MCM8: variants seen among roughly 807,000 people sequenced by gnomAD.
MCM8 encodes the protein DNA helicase MCM8.
In MCM8, 85 loss-of-function variants were observed where a neutral mutation model predicts 98.9. The ratio of observed to expected loss-of-function variants is 0.86; its 90% CI spans 0.72 to 1.03. The LOEUF is 1.03. Ranked by LOEUF, MCM8 falls within the 50% of genes least tolerant of loss-of-function variation. The probability of loss-of-function intolerance (pLI) is 0.00; values close to 1 mark genes in which losing one functional copy is unlikely to be tolerated. For synonymous variants in MCM8, 352 were observed against 338.6 expected (o/e 1.04, Z -0.44); for missense variants, 951 against 997.8 (o/e 0.95, Z 0.63).
chr20:5,986,185 C>G, intron 16 of MCM8, 54 bp downstream of exon 16: 2 of 1,499,748 alleles, frequency 1.3e-6, no homozygotes, highest in Non-Finnish European at 1.9e-6. Context: ...AAGGGTGTGC[C>G]TTGACTTCTC....
At chr20:5,955,051 T>C in intron 4 of MCM8, 51 bp from the exon 5 acceptor site, 1 of 1,281,724 alleles carries the variant, frequency 7.8e-7, no homozygotes, top group Non-Finnish European at 1.1e-6. Context: ...CAGTTAATGG[T>C]AATTGACTAC....
chr20:5,971,057 T>C lies in MCM8; in HGVS notation c.1224-950T>C, dbSNP rs979159411. Among the ~76,000 whole-genome samples the C allele has an allele frequency of 4.6e-5, 7 of 152,268 alleles. No homozygotes were observed. In the South Asian group the frequency reaches 6.2e-4, roughly 14 times the overall value. On this transcript the variant is annotated intron_variant, in intron 10 of 18. Transcript: ENST00000610722. ...TTGAACTTTTGGGCTGAAGCAGTTC[T>C]TCCACCTTGGCCTCCCAGAGTGCTT...
rs956896038 is a variant in MCM8 at position 5,958,818 on chromosome 20, G to A, written c.789+92G>A. ...ATTTCCCAGTGTTTCTGAACACAGA[G>A]CTTATTTTTATTTTTTATTTTCAAT... On this transcript the variant is annotated intron_variant, in intron 7 of 18. Transcript: ENST00000610722. 8 of 1,131,880 alleles carry A rather than the reference G, an allele frequency of 7.1e-6. No homozygotes were observed. In the African/African-American group the frequency reaches 1.3e-4, roughly 18 times the overall value. 70.1% of individuals were successfully genotyped at this position (1,131,880 alleles called of 1,614,324 possible). A position where few individuals can be genotyped will look rare whatever the true frequency, so the allele number is the denominator to read the frequency against.
Position 5,995,612 on chromosome 20 carries a change from A to G in MCM8, c.*1221A>G, listed in dbSNP as rs1002944550. On this transcript the variant is annotated 3_prime_UTR_variant, in exon 19 of 19. Transcript: ENST00000610722. ...AGTTGCATACAAAGACATCTGATTG[A>G]AAAAGGGTATGTTATATGCCCCTTT... 1 of 152,232 alleles carries G rather than the reference A, an allele frequency of 6.6e-6. No individual in the cohort carries two copies. Among genetic ancestry groups the G allele is most frequent in the African/African-American group, 2.4e-5 (1 of 41,458 alleles). 9.4% of individuals were successfully genotyped at this position (152,232 alleles called of 1,614,324 possible). A position where few individuals can be genotyped will look rare whatever the true frequency, so the allele number is the denominator to read the frequency against.
Position 5,954,834 on chromosome 20 carries a change from T to C in MCM8, c.336+144T>C, listed in dbSNP as rs911708493. ...TGCCACTTACCTGCAGTATGGACTT[T>C]GATTAATTACTTCTCTGTGCCTCAG... On this transcript the variant is annotated intron_variant, in intron 4 of 18. Transcript: ENST00000610722. The C allele has an allele frequency of 9.9e-6, 6 of 607,922 alleles. No homozygotes were observed. In the East Asian group the frequency reaches 1.1e-4, roughly 11 times the overall value. The allele number at this position is 607,922 out of a possible 1,614,324, so 37.7% of individuals were successfully genotyped here.
intron 12 of MCM8, among the ~76,000 whole-genome samples, chr20:5,977,212 G>T (rs1375926442): frequency 6.6e-6 from 1 of 152,174 alleles, no homozygotes; most frequent in South Asian, 2.1e-4. Context: ...TGCCATACAC[G>T]GCAGTTTTAC....
In MCM8 at chr20:5,998,283, C is replaced by T. The variant is rs779407189; in HGVS notation, c.*3892C>T. The stretch of plus-strand genomic sequence containing the variant: ...CAGGGGCTGGAAGGTGAGAAAATAA[C>T]CACATTTCCCAGACTCCCTTTGCAG... On this transcript the variant is annotated 3_prime_UTR_variant, in exon 19 of 19. Transcript: ENST00000610722. The T allele has an allele frequency of 6.6e-6, 1 of 152,148 alleles. No homozygotes were observed. Among genetic ancestry groups the T allele is most frequent in the Non-Finnish European group, 1.5e-5 (1 of 68,040 alleles). The allele number at this position is 152,148 out of a possible 1,614,324, so 9.4% of individuals were successfully genotyped here.
chr20:5,977,825 A>G (rs749688374), intron 12 of MCM8, 51 bp from the exon 13 acceptor site: 12 of 1,600,520 alleles, frequency 7.5e-6, no homozygotes, highest in Admixed American at 1.7e-5. Flanking sequence ...GCTGTTAGCT[A>G]TTACTTCCCT....
chr20:5,967,002 C>T (rs1385706067), intron 8 of MCM8, among the ~76,000 whole-genome samples: 1 of 152,222 alleles, frequency 6.6e-6, no homozygotes, highest in African/African-American at 2.4e-5. Context: ...CTCCTGCTCT[C>T]TATTCCTGCC....
intron 12 of MCM8, among the ~76,000 whole-genome samples, chr20:5,975,983 G>A (rs2089503142): frequency 6.6e-6 from 1 of 151,676 alleles, no homozygotes; most frequent in Non-Finnish European, 1.5e-5. Flanking sequence ...CCTGAATAGA[G>A]TATGGCATGT....
rs147158901 is a variant in MCM8 at position 5,997,530 on chromosome 20, G to C, written c.*3139G>C. 1 of 152,552 alleles carries C rather than the reference G, an allele frequency of 6.6e-6. No homozygotes were observed. The highest frequency in any genetic ancestry group is 2.4e-5 in the African/African-American group (1 of 41,552). 9.4% of individuals were successfully genotyped at this position (152,552 alleles called of 1,614,324 possible). A position where few individuals can be genotyped will look rare whatever the true frequency, so the allele number is the denominator to read the frequency against. The stretch of plus-strand genomic sequence containing the variant: ...TGGTCTTGCCATGTTGTCCAGTATG[G>C]ACTTGAACTACTCAGCTCAAGCAGT... On this transcript the variant is annotated 3_prime_UTR_variant, in exon 19 of 19. Coordinates refer to ENST00000610722, the MANE Select transcript of MCM8 (RefSeq NM_032485.6).
At chr20:5,979,275 T>G (rs930371081) in intron 13 of MCM8, among the ~76,000 whole-genome samples, 1 of 152,192 alleles carries the variant, frequency 6.6e-6, no homozygotes, top group African/African-American at 2.4e-5. Context: ...CACAACCTCT[T>G]ACCTGTTGTT....
chr20:5,951,970 T>G (rs2088838659), intron 1 of MCM8, 41 bp from the exon 2 acceptor site: 1 of 1,567,572 alleles, frequency 6.4e-7, no homozygotes, highest in Non-Finnish European at 8.7e-7. Flanking sequence ...ACTATTTTCC[T>G]TACAGTTTTG....
At chr20:5,985,100 AC>A in intron 15 of MCM8, 100 bp downstream of exon 15, 1 of 873,894 alleles carries the variant, frequency 1.1e-6, no homozygotes, top group Non-Finnish European at 1.7e-6. Flanking sequence ...CTTTTTTTTT[AC>A]CAGAACTTTT....
Position 5,959,206 on chromosome 20 carries a change from TG to T in MCM8, c.789+481del, listed in dbSNP as rs145272413. ...AACTATAGAAAAGTGCAGAGAATAA[TG>T]TAATTAACATTTATCTACTCTATGA... is the stretch of plus-strand genomic sequence containing the variant. On this transcript the variant is annotated intron_variant, in intron 7 of 18. Coordinates refer to ENST00000610722, the MANE Select transcript of MCM8 (RefSeq NM_032485.6). 0.016 allele frequency among the ~76,000 whole-genome samples: 2,434 copies of T among 152,298 alleles called. 162 individuals carry two copies. In the East Asian group the frequency reaches 0.23, roughly 14 times the overall value.
intron 7 of MCM8, among the ~76,000 whole-genome samples, chr20:5,959,940 G>C (rs1207084606): frequency 6.6e-6 from 1 of 151,916 alleles, no homozygotes; most frequent in Non-Finnish European, 1.5e-5. Flanking sequence ...CTGGTGATCC[G>C]CCTGCCTCAG....
chr20:5,985,867 A>G, intron 15 of MCM8, 55 bp from the exon 16 acceptor site: 1 of 1,577,246 alleles, frequency 6.3e-7, no homozygotes, highest in Middle Eastern at 1.7e-4. Flanking sequence ...TTTTAGCAGA[A>G]ATATTTTATT....
At chr20:5,987,212 G>A (rs537566862) in intron 16 of MCM8, 70 bp from the exon 17 acceptor site, 1 of 1,444,170 alleles carries the variant, frequency 6.9e-7, no homozygotes, top group South Asian at 1.2e-5. Context: ...AGTAAATGAA[G>A]TAAAGCTTAG....
chr20:5,986,080 T>G lies in MCM8; in HGVS notation c.2112T>G (p.Asn704Lys). ...TCCGGAAACAGAGCCAGAGGTTAAATAGCTCACCAATCACTACCAGGCAGC... is the reference window on the plus strand; with the variant it reads ...TCCGGAAACAGAGCCAGAGGTTAAAGAGCTCACCAATCACTACCAGGCAGC... ...LELRKQSQRL[N>K]SSPITTRQLE... The change falls in exon 16 of 19, where the codon AAT becomes AAG. Residue 704 changes from asparagine to lysine, a missense_variant. By Grantham distance (94) the Asn-to-Lys change is moderately conservative. Transcript: ENST00000610722. 1 of 1,614,212 alleles carries G rather than the reference T, an allele frequency of 6.2e-7. No homozygotes were observed. The highest frequency in any genetic ancestry group is 8.5e-7 in the Non-Finnish European group (1 of 1,180,038).
Sources: gnomAD v4.1 joint callset for allele counts (sites outside exome capture counted in the v4.1 genomes callset) on GRCh38, gnomAD v4.1.1 for gene constraint, MANE v1.5 for transcripts, NCBI Gene and HGNC (gene_info 2026-07-23, HGNC 2026-07-21) for gene names.